CYP2J2: variants seen among roughly 807,000 people sequenced by gnomAD.
The protein encoded by CYP2J2 is cytochrome P450 family 2 subfamily J member 2, also known as cytochrome P450 2J2.
In CYP2J2, 41 loss-of-function variants were observed where a neutral mutation model predicts 48.8. That is an observed-to-expected ratio of 0.84 (90% CI 0.66 to 1.09). The LOEUF (loss-of-function observed/expected upper bound fraction) is 1.09, where lower values mean the gene tolerates loss of function less well. Ranked by LOEUF, CYP2J2 falls within the 50% of genes least tolerant of loss-of-function variation. The pLI is 0.00. For missense variants in CYP2J2, 644 were observed against 617.3 expected (o/e 1.04, Z -0.46); for synonymous variants, 221 against 227.1 (o/e 0.97, Z 0.24).
the CYP2J2 span, among the ~76,000 whole-genome samples, chr1:59,964,396 G>A: frequency 7.2e-5 from 11 of 152,168 alleles, no homozygotes; most frequent in Non-Finnish European, 1.5e-4. Context: ...CTCCAGGAAT[G>A]GATTCAGTCA....
At chr1:59,947,765 G>A in the CYP2J2 span, among the ~76,000 whole-genome samples, 3 of 152,064 alleles carry the variant, frequency 2.0e-5, no homozygotes, top group African/African-American at 4.8e-5. Flanking sequence ...CCCATCCTTG[G>A]CTCCATCTAA....
intron 7 of CYP2J2, among the ~76,000 whole-genome samples, chr1:59,901,756 A>G (rs1029909888): frequency 6.6e-6 from 1 of 152,130 alleles, no homozygotes; most frequent in African/African-American, 2.4e-5. Context: ...CATGTCCACC[A>G]ATGCTCACTT....
chr1:59,915,151 C>T (rs758586049), intron 2 of CYP2J2, among the ~76,000 whole-genome samples: 3 of 152,198 alleles, frequency 2.0e-5, no homozygotes, highest in African/African-American at 7.2e-5. Context: ...GCTCTCCTGC[C>T]GCATTCCTCC....
chr1:59,914,379 G>C (rs1017967571), intron 2 of CYP2J2, among the ~76,000 whole-genome samples: 1 of 152,188 alleles, frequency 6.6e-6, no homozygotes, highest in Non-Finnish European at 1.5e-5. Flanking sequence ...GACTGTTACT[G>C]TGTCTATGTA....
chr1:59,907,179 G>GAGCAC (rs1574250942), intron 6 of CYP2J2, among the ~76,000 whole-genome samples: 1 of 152,150 alleles, frequency 6.6e-6, no homozygotes, highest in African/African-American at 2.4e-5. Context: ...TTTCCTAGGG[G>GAGCAC]AGCACAGAAA....
At chr1:59,935,462 A>ATATC in the CYP2J2 span, among the ~76,000 whole-genome samples, 1 of 152,210 alleles carries the variant, frequency 6.6e-6, no homozygotes, top group African/African-American at 2.4e-5. Context: ...AAGCAGCTTG[A>ATATC]TATCAGTAAT....
the CYP2J2 span, among the ~76,000 whole-genome samples, chr1:59,942,567 GC>G: frequency 1.3e-5 from 2 of 152,096 alleles, no homozygotes; most frequent in African/African-American, 4.8e-5. Context: ...AGCCGTTGAA[GC>G]TTTTTAATCA....
chr1:59,926,450 C>T (rs1380561919), intron 1 of CYP2J2, 87 bp downstream of exon 1: 2 of 1,156,498 alleles, frequency 1.7e-6, no homozygotes, highest in Non-Finnish European at 2.6e-6. Flanking sequence ...CCTTCATCCC[C>T]CACCCCACCC....
Position 59,909,912 on chromosome 1 carries a change from G to A in CYP2J2, c.733C>T (p.Gln245Ter), listed in dbSNP as rs1332099417. Residue 245 changes from glutamine (Q) to a stop codon, truncating the protein, a stop_gained, in exon 5 of 9, where the codon CAA (glutamine) becomes TAA (stop). Transcript: ENST00000371204. LOFTEE classifies it high-confidence loss of function. ...WIMKFLPGPH[Q>*]TLFSNWKKLK... The stretch of plus-strand genomic sequence containing the variant: ...TTTTTCCAGTTGCTGAAGAGAGTTT[G>A]GTGGGGTCCAGGCAGGAATTTCATT... The A allele has an allele frequency of 4.3e-6, 7 of 1,611,148 alleles. No individual in the cohort carries two copies. Among genetic ancestry groups the A allele is most frequent in the Non-Finnish European group, 5.9e-6 (7 of 1,178,806 alleles).
chr1:59,954,136 C>T, the CYP2J2 span, among the ~76,000 whole-genome samples: 18 of 152,130 alleles, frequency 1.2e-4, no homozygotes, highest in Non-Finnish European at 2.2e-4. Flanking sequence ...GGAAGTGTGT[C>T]ACATCCACTC....
the CYP2J2 span, among the ~76,000 whole-genome samples, chr1:59,944,387 T>G: frequency 6.6e-6 from 1 of 152,140 alleles, no homozygotes; most frequent in African/African-American, 2.4e-5. Context: ...CACGGCTGGT[T>G]AATTTTTGTA....
chr1:59,926,840 G>T (rs1644570541), upstream of CYP2J2: 3 of 1,171,558 alleles, frequency 2.6e-6, no homozygotes, highest in East Asian at 7.7e-5. Flanking sequence ...GCCGTGCCCC[G>T]CCTCCCAGCC....
the CYP2J2 span, among the ~76,000 whole-genome samples, chr1:59,938,557 T>C: frequency 2.0e-5 from 3 of 152,164 alleles, no homozygotes; most frequent in Admixed American, 2.0e-4. Flanking sequence ...GCTGCCAACA[T>C]GTCTCGCCTC....
chr1:59,955,307 C>CATATATATATATCCATAT, the CYP2J2 span, among the ~76,000 whole-genome samples: 16 of 89,324 alleles, frequency 1.8e-4, no homozygotes, highest in African/African-American at 4.4e-4. Context: ...TATATATATC[C>CATATATATATATCCATAT]ATATATATCC....
At chr1:59,969,146 A>T in the CYP2J2 span, among the ~76,000 whole-genome samples, 12 of 152,234 alleles carry the variant, frequency 7.9e-5, no homozygotes, top group Non-Finnish European at 1.5e-5. Context: ...AGTTAGCAGC[A>T]GGAAGATTTA....
Position 59,911,317 on chromosome 1 carries a change from C to T in CYP2J2, c.684+291G>A, listed in dbSNP as rs11572261. Among the ~76,000 whole-genome samples, 624 of 152,158 alleles carry T rather than the reference C, an allele frequency of 4.1e-3. 7 individuals are homozygous for T. Among genetic ancestry groups the T allele is most frequent in the African/African-American group, 0.014 (599 of 41,514 alleles). On this transcript the variant is annotated intron_variant, in intron 4 of 8. Transcript: ENST00000371204. The stretch of plus-strand genomic sequence containing the variant: ...ACAGAGAGGAGAGACTCAAGGGCAA[C>T]AGCAATATTGTTTTTCTTTTTAAAA...
chr1:59,947,508 C>A, the CYP2J2 span, among the ~76,000 whole-genome samples: 1 of 152,116 alleles, frequency 6.6e-6, no homozygotes, highest in Admixed American at 6.5e-5. Flanking sequence ...TGGGTTGAGT[C>A]CGCCCCCATG....
chr1:59,951,978 A>G, the CYP2J2 span, among the ~76,000 whole-genome samples: 1 of 152,084 alleles, frequency 6.6e-6, no homozygotes, highest in African/African-American at 2.4e-5. Flanking sequence ...TCTTCTTCAT[A>G]ATATCAGGGG....
the CYP2J2 span, among the ~76,000 whole-genome samples, chr1:59,962,061 T>C: frequency 6.6e-6 from 1 of 152,052 alleles, no homozygotes; most frequent in South Asian, 2.1e-4. Context: ...CTGTACAACT[T>C]TGGAAATATA....
Sources: gnomAD v4.1 joint callset for allele counts (sites outside exome capture counted in the v4.1 genomes callset) on GRCh38, gnomAD v4.1.1 for gene constraint, MANE v1.5 for transcripts, NCBI Gene and HGNC (gene_info 2026-07-23, HGNC 2026-07-21) for gene names.